Variants in CSMD2 observed in about 807,000 individuals in gnomAD.
CSMD2 encodes the protein CUB and sushi domain-containing protein 2.
A neutral mutation model predicts 398.5 loss-of-function variants in CSMD2; 130 were observed. That is an observed-to-expected ratio of 0.33 (90% confidence interval 0.28 to 0.38). CSMD2 has a LOEUF of 0.38. Ranked by LOEUF, CSMD2 falls within the 10% of genes least tolerant of loss-of-function variation. The pLI is 1.00. For missense variants in CSMD2, 3,829 were observed against 4,764.9 expected, an observed-to-expected ratio of 0.80 and a Z score of 5.78; for synonymous variants, 1,828 against 1,908.5, an observed-to-expected ratio of 0.96 and a Z score of 1.10.
chr1:33,593,560 C>A (rs1639621658), intron 44 of CSMD2, among the ~76,000 whole-genome samples: 1 of 152,158 alleles, frequency 6.6e-6, no homozygotes, highest in Non-Finnish European at 1.5e-5. Context: ...GTGAGACTTA[C>A]TGACTATCAT....
intron 3 of CSMD2, among the ~76,000 whole-genome samples, chr1:33,942,950 A>C (rs1214099839): frequency 6.6e-6 from 1 of 152,168 alleles, no homozygotes; most frequent in Non-Finnish European, 1.5e-5. Context: ...TTCTGTGCCC[A>C]ACTCTGATCT....
At chr1:33,975,947 C>G (rs1645947344) in intron 3 of CSMD2, among the ~76,000 whole-genome samples, 1 of 152,232 alleles carries the variant, frequency 6.6e-6, no homozygotes, top group African/African-American at 2.4e-5. Flanking sequence ...ACCCCAGCAG[C>G]TCCACAAACG....
chr1:33,856,552 G>A (rs1484780625), intron 5 of CSMD2, among the ~76,000 whole-genome samples: 1 of 152,108 alleles, frequency 6.6e-6, no homozygotes, highest in Non-Finnish European at 1.5e-5. Flanking sequence ...CACCCAGAGG[G>A]ACTGTTGTAA....
rs972481965 is a variant in CSMD2 at position 34,087,740 on chromosome 1, C to T, written c.404+1237G>A. Among the ~76,000 whole-genome samples, 6 of 152,058 alleles carry T rather than the reference C, an allele frequency of 3.9e-5. No homozygotes were observed. In the South Asian group the frequency reaches 1.2e-3, roughly 32 times the overall value. On this transcript the variant is annotated intron_variant, in intron 2 of 70. Transcript: ENST00000373381. Reference sequence around the variant, plus strand: ...GACATGTTAGATATTTCCATGCCTGCCTCCCCATTAGCATGTAACCTCCAT... The same window carrying T: ...GACATGTTAGATATTTCCATGCCTGTCTCCCCATTAGCATGTAACCTCCAT...
chr1:33,587,019 T>TC (rs1639129055), intron 45 of CSMD2, 69 bp downstream of exon 45: 6 of 1,262,424 alleles, frequency 4.8e-6, no homozygotes, highest in South Asian at 4.2e-5. Context: ...GCCCGACAGC[T>TC]CCCCCCGCCA....
intron 48 of CSMD2, among the ~76,000 whole-genome samples, chr1:33,580,332 CTG>C (rs769492345): frequency 6.6e-6 from 1 of 152,172 alleles, no homozygotes; most frequent in Non-Finnish European, 1.5e-5. Flanking sequence ...TGATCTGACT[CTG>C]TTTATAAGAT....
At position 34,124,092 on chromosome 1, in the gene CSMD2, G is replaced by T. The variant is rs148824046; in HGVS notation, c.188-34899C>A. ...AAAATCACTCAGCTAGTAAGTCATG[G>T]TCCTGGGATTCAAATCCAAAACAGA... On this transcript the variant is annotated intron_variant, in intron 1 of 70. Transcript: ENST00000373381. 1.8e-3 allele frequency among the ~76,000 whole-genome samples: 273 copies of T among 152,284 alleles called. 1 individual carries two copies. The highest frequency in any genetic ancestry group is 6.2e-3 in the African/African-American group (257 of 41,554).
chr1:34,047,188 C>G (rs1652628394), intron 2 of CSMD2, among the ~76,000 whole-genome samples: 1 of 152,152 alleles, frequency 6.6e-6, no homozygotes, highest in Non-Finnish European at 1.5e-5. Context: ...TCCTTATCAC[C>G]AACTACCTCC....
chr1:33,557,190 T>C (rs760275625), intron 55 of CSMD2, among the ~76,000 whole-genome samples: 5 of 152,214 alleles, frequency 3.3e-5, no homozygotes, highest in African/African-American at 1.2e-4. Context: ...CCCTATGGAA[T>C]AGGTACTGGC....
At chr1:33,911,346 T>C (rs992993680) in intron 5 of CSMD2, among the ~76,000 whole-genome samples, 4 of 152,210 alleles carry the variant, frequency 2.6e-5, no homozygotes, top group African/African-American at 9.6e-5. Flanking sequence ...TCTAACTATA[T>C]CTGGATCTAA....
intron 1 of CSMD2, among the ~76,000 whole-genome samples, chr1:34,139,412 C>T (rs1356507575): frequency 6.6e-6 from 1 of 152,202 alleles, no homozygotes; most frequent in Non-Finnish European, 1.5e-5. Flanking sequence ...CGACCTTGGA[C>T]TTCTCAGCCT....
intron 3 of CSMD2, among the ~76,000 whole-genome samples, chr1:33,992,876 CAA>C (rs199827617): frequency 1.3e-4 from 8 of 61,810 alleles, no homozygotes; most frequent in Non-Finnish European, 1.5e-4. Context: ...GACTCCATCT[CAA>C]AAAAAAAAAA....
At chr1:33,557,976 T>A (rs1269101717) in intron 54 of CSMD2, 54 bp from the exon 55 acceptor site, 2 of 1,484,788 alleles carry the variant, frequency 1.3e-6, no homozygotes, top group Non-Finnish European at 1.8e-6. Flanking sequence ...AGTAAAATCT[T>A]CCGAGCAAAA....
chr1:34,102,197 A>AT lies in CSMD2; in HGVS notation c.188-13005dup, dbSNP rs908693535. Among the ~76,000 whole-genome samples, 73 of 151,796 alleles carry AT rather than the reference A, an allele frequency of 4.8e-4. 1 individual carries two copies. Among genetic ancestry groups the AT allele is most frequent in the African/African-American group, 1.6e-3 (65 of 41,386 alleles). On this transcript the variant is annotated intron_variant, in intron 1 of 70. Coordinates refer to ENST00000373381, the MANE Select transcript of CSMD2 (RefSeq NM_001281956.2). ...AGGTGCCCGCCACCACGCCCGGCTA[A>AT]TTTTTTTTACTTTTAGTAGAGACGG... is the stretch of plus-strand genomic sequence containing the variant.
rs1640164011 is a variant in CSMD2, at chr1:33,600,865, C to T, written c.6856G>A (p.Ala2286Thr). ...CACCAGGCCAGGCTTCCATACTGAC[C>T]GGAGAAAGCTATGGCGAAGATCCCC... ...TGGIFAIAFS[A>T]YPLTKCPPPT... Residue 2286 changes from alanine to threonine, a missense_variant and splice_region_variant, in exon 44 of 71, where the codon GCT becomes ACT. This residue lies in a region of CSMD2 where 723 missense variants were observed against 758.6 expected (regional missense o/e 0.95). Coordinates refer to ENST00000373381, the MANE Select transcript of CSMD2 (RefSeq NM_001281956.2). 3 of 1,614,072 alleles carry T rather than the reference C, an allele frequency of 1.9e-6. No homozygotes were observed. Among genetic ancestry groups the T allele is most frequent in the Non-Finnish European group, 2.5e-6 (3 of 1,179,990 alleles).
intron 6 of CSMD2, among the ~76,000 whole-genome samples, chr1:33,832,800 A>G (rs1280935564): frequency 1.3e-5 from 2 of 151,964 alleles, no homozygotes; most frequent in Non-Finnish European, 2.9e-5. Flanking sequence ...CAGACACAAT[A>G]AAAAATGATA....
At chr1:33,538,289 T>C (rs1655992643) in intron 60 of CSMD2, among the ~76,000 whole-genome samples, 1 of 152,238 alleles carries the variant, frequency 6.6e-6, no homozygotes, top group Non-Finnish European at 1.5e-5. Flanking sequence ...TGATGGGTAG[T>C]GTCAAATGTC....
intron 24 of CSMD2, 152 bp from the exon 25 acceptor site, chr1:33,693,208 G>T: frequency 1.2e-6 from 1 of 860,768 alleles, no homozygotes; most frequent in Non-Finnish European, 1.7e-6. Context: ...GTCTCTGGAT[G>T]AGACTTATAT....
chr1:34,165,458 A>G (rs534351547), upstream of CSMD2, among the ~76,000 whole-genome samples: 65 of 152,372 alleles, frequency 4.3e-4, no homozygotes, highest in Admixed American at 1.2e-3. Context: ...CTCCACCTCC[A>G]GATAAACCAC....
Sources: gnomAD v4.1 joint callset for allele counts (sites outside exome capture counted in the v4.1 genomes callset) on GRCh38, gnomAD v4.1.1 for gene constraint, gnomAD v4.1.1 regional missense constraint, MANE v1.5 for transcripts, NCBI Gene and HGNC (gene_info 2026-07-23, HGNC 2026-07-21) for gene names.